RPRD2: variants seen among roughly 807,000 people sequenced by gnomAD.
RPRD2 encodes regulation of nuclear pre-mRNA domain containing 2.
A neutral mutation model predicts 104.4 loss-of-function variants in RPRD2; 12 were observed. That is an observed-to-expected ratio of 0.11 (90% confidence interval 0.07 to 0.19). The LOEUF (loss-of-function observed/expected upper bound fraction) is 0.19, where lower values mean the gene tolerates loss of function less well. RPRD2 is among the 10% of genes least tolerant of loss of function. RPRD2 has a pLI of 1.00. For synonymous variants in RPRD2, 714 were observed against 684.9 expected (o/e 1.04, Z -0.66); for missense variants, 1,543 against 1,790.1 (o/e 0.86, Z 2.49).
chr1:150,467,235 T>C (rs1310395308), intron 10 of RPRD2, among the ~76,000 whole-genome samples: 2 of 152,236 alleles, frequency 1.3e-5, no homozygotes, highest in Non-Finnish European at 2.9e-5. Flanking sequence ...AACTAAATAG[T>C]ATTAAGTAAT....
intron 1 of RPRD2, among the ~76,000 whole-genome samples, chr1:150,416,872 CAAAAAAAA>C (rs782463847): frequency 1.7e-4 from 12 of 72,428 alleles, no homozygotes; most frequent in African/African-American, 4.5e-4. Context: ...ACTCCATCTC[CAAAAAAAA>C]AAAAAAAAAA....
intron 2 of RPRD2, among the ~76,000 whole-genome samples, chr1:150,422,173 A>G (rs1005781459): frequency 1.8e-4 from 17 of 92,314 alleles, no homozygotes; most frequent in Non-Finnish European, 3.0e-4. Flanking sequence ...AAAAACACAC[A>G]TACACACACA....
rs962110337 is a variant in RPRD2 at position 150,475,250 on chromosome 1, G to A, written c.*1916G>A. 6.6e-6 allele frequency: 1 copy of A among 152,088 alleles called. No individual in the cohort carries two copies. The highest frequency in any genetic ancestry group is 1.5e-5 in the Non-Finnish European group (1 of 68,000). 9.4% of individuals were successfully genotyped at this position (152,088 alleles called of 1,614,324 possible). A position where few individuals can be genotyped will look rare whatever the true frequency, so the allele number is the denominator to read the frequency against. ...TTAGGGAAAAGCATAAGAGAAAATGGGGTGGGAGGTGGGGAAATGATATTT... is the reference window on the plus strand; with the variant it reads ...TTAGGGAAAAGCATAAGAGAAAATGAGGTGGGAGGTGGGGAAATGATATTT... On this transcript the variant is annotated 3_prime_UTR_variant, in exon 11 of 11. Transcript: ENST00000369068.
In RPRD2 at chr1:150,472,843, G is replaced by A; in HGVS notation, c.3895G>A (p.Val1299Ile). ...TACTCCACCCCCTCCTCCACCCCCT[G>A]TTGACCACTCTGGAGTTGTACCCTT... is the stretch of plus-strand genomic sequence containing the variant. ...FSTPPPPPPP[V>I]DHSGVVPFPA... Residue 1299 changes from valine to isoleucine, a missense_variant, in exon 11 of 11, where the codon GTT becomes ATT. Around this residue, in one of 4 missense-constraint regions of RPRD2, gnomAD observed 880 missense variants for 885.6 expected, o/e 0.99. Transcript: ENST00000369068. 1 of 1,612,586 alleles carries A rather than the reference G, an allele frequency of 6.2e-7. No homozygotes were observed. The highest frequency in any genetic ancestry group is 2.2e-5 in the East Asian group (1 of 44,822).
intron 2 of RPRD2, among the ~76,000 whole-genome samples, chr1:150,422,463 T>G (rs1385512036): frequency 1.3e-5 from 2 of 152,010 alleles, no homozygotes; most frequent in Non-Finnish European, 2.9e-5. Flanking sequence ...CTATTTTGAT[T>G]CCTTTAATTC....
intron 1 of RPRD2, among the ~76,000 whole-genome samples, chr1:150,416,886 A>C (rs587656518): frequency 0.02 from 3,019 of 151,334 alleles, 143 homozygotes; most frequent in African/African-American, 0.07. Context: ...AAAAAAAAAA[A>C]AAAAACAAAA....
At position 150,463,871 on chromosome 1, in the gene RPRD2, G is replaced by C. The variant is rs114027379; in HGVS notation, c.1412-656G>C. 3.4e-4 allele frequency among the ~76,000 whole-genome samples: 52 copies of C among 152,282 alleles called. 1 individual carries two copies. The highest frequency in any genetic ancestry group is 8.5e-4 in the Admixed American group (13 of 15,298). On this transcript the variant is annotated intron_variant, in intron 9 of 10. Coordinates refer to ENST00000369068, the MANE Select transcript of RPRD2 (RefSeq NM_015203.5). ...GGAGAAAAAAGATTGTCCAGGTGTG[G>C]TGGTACATGCCTGTAATTCCCAGCA...
At chr1:150,381,890 A>G (rs1553880881) in intron 1 of RPRD2, among the ~76,000 whole-genome samples, 1 of 152,154 alleles carries the variant, frequency 6.6e-6, no homozygotes, top group Non-Finnish European at 1.5e-5. Context: ...GGTAAAGAAC[A>G]TGGGCTTCGA....
chr1:150,438,032 C>T (rs1311317665), intron 2 of RPRD2, among the ~76,000 whole-genome samples: 2 of 150,544 alleles, frequency 1.3e-5, no homozygotes, highest in African/African-American at 2.4e-5. Flanking sequence ...GCCTGTAACC[C>T]CAGCACTTTG....
At chr1:150,451,384 T>C (rs143370702) in intron 7 of RPRD2, among the ~76,000 whole-genome samples, 159 of 152,096 alleles carry the variant, frequency 1.0e-3, no homozygotes, top group Admixed American at 4.8e-3. Flanking sequence ...GGTTAAATTA[T>C]GCACCCCAGG....
At chr1:150,429,323 C>G (rs1572455729) in intron 2 of RPRD2, among the ~76,000 whole-genome samples, 2 of 151,922 alleles carry the variant, frequency 1.3e-5, no homozygotes, top group South Asian at 4.2e-4. Flanking sequence ...AACTCCCAAC[C>G]TCAGTTGATC....
rs774294791 is a variant in RPRD2, at chr1:150,470,765, C to A, written c.1817C>A (p.Ala606Asp). Residue 606 changes from alanine to aspartate, a missense_variant, in exon 11 of 11, where the codon GCC becomes GAC. Physicochemically the swap from Ala to Asp is moderately radical, Grantham distance 126 (BLOSUM62 -2). Coordinates refer to ENST00000369068, the MANE Select transcript of RPRD2 (RefSeq NM_015203.5). ...ACTTCTGAAGTCTCTTCAACTTCAG[C>A]CAGCAAGGCCTCAATTGGGCAAAGC... ...SSTSEVSSTS[A>D]SKASIGQSPG... 6.2e-7 allele frequency: 1 copy of A among 1,614,042 alleles called. No individual in the cohort carries two copies. Among genetic ancestry groups the A allele is most frequent in the East Asian group, 2.2e-5 (1 of 44,896 alleles).
At chr1:150,397,182 T>C (rs1434229132) in intron 1 of RPRD2, among the ~76,000 whole-genome samples, 1 of 152,046 alleles carries the variant, frequency 6.6e-6, no homozygotes, top group East Asian at 1.9e-4. Flanking sequence ...CCATGTTGGT[T>C]AGGCTGATCT....
chr1:150,448,791 T>C (rs999381840), intron 7 of RPRD2, among the ~76,000 whole-genome samples: 76 of 152,330 alleles, frequency 5.0e-4, no homozygotes, highest in African/African-American at 1.8e-3. Flanking sequence ...GTCCCCAGTT[T>C]AGGTTATTCC....
At chr1:150,462,432 G>A (rs1011633735) in intron 9 of RPRD2, among the ~76,000 whole-genome samples, 5 of 149,492 alleles carry the variant, frequency 3.3e-5, no homozygotes, top group African/African-American at 5.0e-5. Flanking sequence ...TTGACAGAGC[G>A]AGACTCTTGT....
At chr1:150,418,494 C>G (rs977420967) in intron 2 of RPRD2, among the ~76,000 whole-genome samples, 4 of 152,136 alleles carry the variant, frequency 2.6e-5, no homozygotes, top group Non-Finnish European at 4.4e-5. Flanking sequence ...TTATTTCCCA[C>G]CATCATACTC....
At chr1:150,433,789 G>A (rs1305280996) in intron 2 of RPRD2, among the ~76,000 whole-genome samples, 2 of 90,852 alleles carry the variant, frequency 2.2e-5, no homozygotes, top group Non-Finnish European at 4.8e-5. Context: ...ACACTGGGAA[G>A]TTAGCAATAT....
chr1:150,449,411 A>T (rs1234000055), intron 7 of RPRD2, among the ~76,000 whole-genome samples: 1 of 151,998 alleles, frequency 6.6e-6, no homozygotes, highest in African/African-American at 2.4e-5. Flanking sequence ...TAAGTCTACC[A>T]TCTTTCTATT....
chr1:150,467,354 C>A (rs1668345516), intron 10 of RPRD2, among the ~76,000 whole-genome samples: 1 of 152,008 alleles, frequency 6.6e-6, no homozygotes, highest in African/African-American at 2.4e-5. Context: ...CATGTTTATG[C>A]TTTCTCCCTT....
Sources: allele counts gnomAD v4.1 joint callset (sites outside exome capture counted in the v4.1 genomes callset), GRCh38; gene constraint gnomAD v4.1.1; regional missense constraint gnomAD v4.1.1; transcripts MANE v1.5; gene names NCBI Gene and HGNC (gene_info 2026-07-23, HGNC 2026-07-21).